Variants in DNMT3A observed in about 807,000 individuals in gnomAD.
DNMT3A encodes DNA methyltransferase 3 alpha.
Under a neutral mutation model 117.6 loss-of-function variants are expected in DNMT3A, and 267 were observed. The observed-to-expected ratio is 2.27, with a 90% CI of 2.05 to 2.51. The LOEUF (loss-of-function observed/expected upper bound fraction) is 2.51. Among genes scored for constraint, DNMT3A ranks in the 30% most tolerant of loss-of-function variants. DNMT3A has a pLI of 0.00. For missense variants in DNMT3A, 1,029 were observed against 1,260.2 expected (o/e 0.82, Z 2.78); for synonymous variants, 432 against 474.8 (o/e 0.91, Z 1.17).
At chr2:25,300,081 G>A in intron 3 of DNMT3A, 58 bp downstream of exon 3, 2 of 1,563,780 alleles carry the variant, frequency 1.3e-6, no homozygotes, top group Non-Finnish European at 1.7e-6. Context: ...CCATCGACAG[G>A]CCAGGCACGT....
Position 25,341,821 on chromosome 2 carries a change from A to G in DNMT3A, c.-178+5T>C. 1.0e-6 allele frequency: 1 copy of G among 975,556 alleles called. No individual in the cohort carries two copies. The highest frequency in any genetic ancestry group is 1.2e-6 in the Non-Finnish European group (1 of 826,942). The allele number at this position is 975,556 out of a possible 1,614,324, so 60.4% of individuals were successfully genotyped here. ...TTCCGGGCCGCCAGCAGCGGCGCTC[A>G]TTACCGTATGGCCGGTGGGGTCGGG... is the stretch of plus-strand genomic sequence containing the variant. On this transcript the variant is annotated splice_donor_5th_base_variant and intron_variant, in intron 1 of 22. Transcript: ENST00000321117.
chr2:25,232,499 C>G lies in DNMT3A; in HGVS notation c.*1780G>C, dbSNP rs945715833. 6.6e-6 allele frequency: 1 copy of G among 152,362 alleles called. No homozygotes were observed. The highest frequency in any genetic ancestry group is 2.4e-5 in the African/African-American group (1 of 41,466). 9.4% of individuals were successfully genotyped at this position (152,362 alleles called of 1,614,324 possible). A position where few individuals can be genotyped will look rare whatever the true frequency, so the allele number is the denominator to read the frequency against. ...AGAAATACACACCACTCCAATCACA[C>G]ACACAAGGAGAGAGACGGCCGGTCC... On this transcript the variant is annotated 3_prime_UTR_variant, in exon 23 of 23. Transcript: ENST00000321117. The surrounding 1 kb of genome is among the most constrained non-coding windows in gnomAD (Gnocchi z 4.1).
At chr2:25,239,701 C>G (rs928547582) in intron 19 of DNMT3A, among the ~76,000 whole-genome samples, 22 of 152,186 alleles carry the variant, frequency 1.4e-4, no homozygotes, top group African/African-American at 5.1e-4. Flanking sequence ...GACGCCTGCT[C>G]ACACTTACAG....
At chr2:25,251,778 G>C (rs1675594791) in intron 6 of DNMT3A, 1 of 260,764 alleles carries the variant, frequency 3.8e-6, no homozygotes, top group Non-Finnish European at 7.3e-6. Flanking sequence ...GCAGGGCCCT[G>C]AGGACCGCGT....
At chr2:25,278,493 C>T (rs775395607) in intron 4 of DNMT3A, among the ~76,000 whole-genome samples, 2 of 152,200 alleles carry the variant, frequency 1.3e-5, no homozygotes, top group Non-Finnish European at 2.9e-5. Context: ...TTTAACCTTT[C>T]TGAAGCTTCA....
rs562691973 is a variant in DNMT3A, at chr2:25,304,838, T to C, written c.73-4595A>G. Among the ~76,000 whole-genome samples the C allele has an allele frequency of 2.6e-5, 4 of 152,366 alleles. No individual in the cohort carries two copies. Among genetic ancestry groups the C allele is most frequent in the African/African-American group, 4.8e-5 (2 of 41,586 alleles). ...CCACACCACCTTCCCCTCAGGTTTATCAGCAAACTGTTACTCGCTTTTCCA... is the reference window on the plus strand; with the variant it reads ...CCACACCACCTTCCCCTCAGGTTTACCAGCAAACTGTTACTCGCTTTTCCA... On this transcript the variant is annotated intron_variant, in intron 2 of 22. Coordinates refer to ENST00000321117, the MANE Select transcript of DNMT3A (RefSeq NM_022552.5). The surrounding 1 kb of genome is among the most constrained non-coding windows in gnomAD (Gnocchi z 4.3).
chr2:25,283,081 G>A (rs1349190671), intron 3 of DNMT3A, among the ~76,000 whole-genome samples: 1 of 152,070 alleles, frequency 6.6e-6, no homozygotes, highest in African/African-American at 2.4e-5. Flanking sequence ...GAAATGCTCC[G>A]GCCAGGCGTG....
intron 6 of DNMT3A, among the ~76,000 whole-genome samples, chr2:25,258,132 TA>T (rs761749806): frequency 3.0e-4 from 45 of 152,256 alleles, no homozygotes; most frequent in Non-Finnish European, 1.5e-4. Context: ...ATGTGGAAGG[TA>T]GGGGGCTAGG....
Position 25,234,392 on chromosome 2 carries a change from C to T in DNMT3A, c.2626G>A (p.Asp876Asn), listed in dbSNP as rs992291948. The change falls in exon 23 of 23, where the codon GAC becomes AAC. Residue 876 changes from aspartate (D) to asparagine (N), a missense_variant. Physicochemically the swap from Asp to Asn is conservative, Grantham distance 23. Transcript: ENST00000321117. The surrounding 1 kb of genome is among the most constrained non-coding windows in gnomAD (Gnocchi z 4.5). ...GCCAAGCGGCTCATGTTGGAGACGT[C>T]AGTATAGTGGACTGGGAAACCAAAT... The part of the protein sequence containing the change: ...RVFGFPVHYT[D>N]VSNMSRLARQ... The T allele has an allele frequency of 6.2e-7, 1 of 1,613,988 alleles. No homozygotes were observed. Among genetic ancestry groups the T allele is most frequent in the Non-Finnish European group, 8.5e-7 (1 of 1,179,952 alleles).
chr2:25,334,984 A>T (rs1243647960), intron 1 of DNMT3A, among the ~76,000 whole-genome samples: 1 of 152,256 alleles, frequency 6.6e-6, no homozygotes, highest in Admixed American at 6.5e-5. Flanking sequence ...TTTTTCAAAG[A>T]AAACGAAAGT....
At chr2:25,246,894 TGAG>T (rs1674862468) in intron 9 of DNMT3A, 118 bp from the exon 10 acceptor site, 4 of 1,520,832 alleles carry the variant, frequency 2.6e-6, no homozygotes, top group Non-Finnish European at 3.6e-6. Context: ...GAGGAACCGC[TGAG>T]GAGGAGCGGG....
chr2:25,250,147 C>T (rs1675332748), intron 6 of DNMT3A, among the ~76,000 whole-genome samples: 1 of 152,174 alleles, frequency 6.6e-6, no homozygotes. Flanking sequence ...ACCAATGATT[C>T]CCAGGACTCT....
intron 1 of DNMT3A, among the ~76,000 whole-genome samples, chr2:25,341,004 C>T (rs2035406863): frequency 6.8e-6 from 1 of 146,858 alleles, no homozygotes; most frequent in African/African-American, 2.5e-5. Context: ...GCCGCCGGCA[C>T]TCCGGGGGAA....
In DNMT3A at chr2:25,240,378, C is replaced by G. The variant is rs34843713; in HGVS notation, c.2246G>C (p.Arg749Pro). Residue 749 changes from arginine to proline, a missense_variant, in exon 19 of 23, where the codon CGC becomes CCC. Physicochemically the swap from Arg to Pro is moderately radical, Grantham distance 103. Coordinates refer to ENST00000321117, the MANE Select transcript of DNMT3A (RefSeq NM_022552.5). ...HDARPKEGDD[R>P]PFFWLFENVV... ...ATTCTCAAAGAGCCAGAAGAAGGGG[C>G]GATCATCTCCCTCCTTGGGCCGCGC... is the stretch of plus-strand genomic sequence containing the variant. 6.2e-7 allele frequency: 1 copy of G among 1,613,964 alleles called. No homozygotes were observed. The highest frequency in any genetic ancestry group is 8.5e-7 in the Non-Finnish European group (1 of 1,179,906).
chr2:25,341,758 G>T (rs1573524443), intron 1 of DNMT3A, 68 bp downstream of exon 1: 2 of 939,502 alleles, frequency 2.1e-6, no homozygotes, highest in Non-Finnish European at 1.2e-6. Context: ...GGCGCCCCCC[G>T]CCCGGCTCCC....
intron 3 of DNMT3A, 76 bp downstream of exon 3, chr2:25,300,063 C>G (rs2033339051): frequency 6.8e-7 from 1 of 1,479,842 alleles, no homozygotes; most frequent in South Asian, 1.3e-5. Flanking sequence ...GCAGGACATA[C>G]ATCACTGCCA....
intron 1 of DNMT3A, among the ~76,000 whole-genome samples, chr2:25,329,497 A>G (rs983126771): frequency 2.0e-4 from 31 of 152,184 alleles, no homozygotes; most frequent in African/African-American, 7.5e-4. Context: ...TTCAGACCAC[A>G]CTTCAGAGTG....
At chr2:25,341,764 C>A in intron 1 of DNMT3A, 62 bp downstream of exon 1, 1 of 966,802 alleles carries the variant, frequency 1.0e-6, no homozygotes, top group Non-Finnish European at 1.2e-6. Context: ...CCCCGCCCGG[C>A]TCCCCGGCTC....
At chr2:25,279,116 T>C (rs910921834) in intron 4 of DNMT3A, among the ~76,000 whole-genome samples, 3 of 152,064 alleles carry the variant, frequency 2.0e-5, no homozygotes, top group Non-Finnish European at 2.9e-5. Context: ...TCATCATCAT[T>C]ATGGCATTAA....
Sources: gnomAD v4.1 joint callset for allele counts (sites outside exome capture counted in the v4.1 genomes callset) on GRCh38, gnomAD v4.1.1 for gene constraint, Gnocchi (gnomAD v3.1) non-coding constraint, MANE v1.5 for transcripts, NCBI Gene and HGNC (gene_info 2026-07-23, HGNC 2026-07-21) for gene names.